Variants in LTF observed in about 807,000 individuals in gnomAD.
LTF encodes the protein epididymis luminal protein 110.
A neutral mutation model predicts 87.2 loss-of-function variants in LTF; 91 were observed. The observed-to-expected ratio is 1.04, with a 90% CI of 0.88 to 1.24. The LOEUF (loss-of-function observed/expected upper bound fraction) is 1.24, where lower values mean the gene tolerates loss of function less well. Ranked by LOEUF, LTF falls within the 50% of genes most tolerant of loss-of-function variation. The pLI is 0.00. For missense variants in LTF, 901 were observed against 904.3 expected, an observed-to-expected ratio of 1.00 and a Z score of 0.05; for synonymous variants, 378 against 356.1, an observed-to-expected ratio of 1.06 and a Z score of -0.69.
At chr3:46,456,255 C>G (rs200360036) in intron 3 of LTF, 35 bp downstream of exon 3, 3 of 1,561,928 alleles carry the variant, frequency 1.9e-6, no homozygotes. Context: ...CAGGCTGAGG[C>G]CACCGTGGCC....
Position 46,476,203 on chromosome 3 carries a change from G to A in LTF, c.-319-5737C>T, listed in dbSNP as rs114797749. Among the ~76,000 whole-genome samples the A allele has an allele frequency of 7.7e-3, 1,174 of 152,100 alleles. 4 individuals carry two copies. Among genetic ancestry groups the A allele is most frequent in the Non-Finnish European group, 0.013 (870 of 67,990 alleles). On this transcript the variant is annotated intron_variant, in intron 1 of 19. Transcript: ENST00000443496. ...GATTTTGCACTAGATGGGACTTTCC[G>A]TACAATGTTGAACAGATATGGAGAT...
intron 1 of LTF, among the ~76,000 whole-genome samples, chr3:46,483,806 T>C (rs1167879501): frequency 6.6e-6 from 1 of 152,154 alleles, no homozygotes. Flanking sequence ...TTTTATTTTA[T>C]TTAGTTTAAA....
rs1327459126 is a variant in LTF at position 46,438,101 on chromosome 3, C to T, written c.1937G>A (p.Cys646Tyr). The T allele has an allele frequency of 4.0e-5, 64 of 1,613,576 alleles. No homozygotes were observed. The highest frequency in any genetic ancestry group is 5.1e-5 in the Non-Finnish European group (60 of 1,179,866). The change falls in exon 16 of 17, where the codon TGC (cysteine) becomes TAC (tyrosine). Residue 646 changes from cysteine (C) to tyrosine (Y), a missense_variant. Transcript: ENST00000231751. ...CTGGAATAAGCAAAACTTGTCCGGG[C>T]AGTCAGATCCATTTCTCCCAAATTT... ...QAKFGRNGSDCPDKFCLFQSE... is the reference protein window; with the variant it reads ...QAKFGRNGSDYPDKFCLFQSE...
chr3:46,459,675 T>G lies in LTF; in HGVS notation c.188A>C (p.Gln63Pro). 6.5e-7 allele frequency: 1 copy of G among 1,533,258 alleles called. No homozygotes were observed. Among genetic ancestry groups the G allele is most frequent in the East Asian group, 2.6e-5 (1 of 38,286 alleles). 95.0% of individuals were successfully genotyped at this position (1,533,258 alleles called of 1,614,324 possible). A position where few individuals can be genotyped will look rare whatever the true frequency, so the allele number is the denominator to read the frequency against. ...VSCIKRDSPIQCIQAIAENRA... is the reference protein window; with the variant it reads ...VSCIKRDSPIPCIQAIAENRA... ...ACTCACCGCAATGGCCTGGATACACTGGATGGGGGAGTCTCTCTTTATGCA... is the reference window on the plus strand; with the variant it reads ...ACTCACCGCAATGGCCTGGATACACGGGATGGGGGAGTCTCTCTTTATGCA... The change falls in exon 2 of 17, where the codon CAG becomes CCG. Residue 63 changes from glutamine to proline, a missense_variant. Physicochemically the swap from Gln to Pro is moderately conservative, Grantham distance 76 (BLOSUM62 -1). Coordinates refer to ENST00000231751, the MANE Select transcript of LTF (RefSeq NM_002343.6).
chr3:46,479,533 T>C (rs1474685013), intron 1 of LTF, among the ~76,000 whole-genome samples: 1 of 151,120 alleles, frequency 6.6e-6, no homozygotes, highest in African/African-American at 2.4e-5. Flanking sequence ...TTTGTTTGTT[T>C]GTTTGTTTGT....
chr3:46,482,521 AAG>A (rs1703446654), intron 1 of LTF, among the ~76,000 whole-genome samples: 1 of 73,902 alleles, frequency 1.4e-5, no homozygotes, highest in African/African-American at 6.1e-5. Flanking sequence ...AAGGGAAGGG[AAG>A]GGAAGGGAAG....
At chr3:46,451,540 T>C (rs768575190) in intron 6 of LTF, among the ~76,000 whole-genome samples, 14 of 152,202 alleles carry the variant, frequency 9.2e-5, no homozygotes, top group African/African-American at 1.4e-4. Flanking sequence ...CAACATCTAT[T>C]TGTGTGTGGT....
At chr3:46,450,469 G>A in intron 7 of LTF, 26 bp downstream of exon 7, 1 of 1,587,964 alleles carries the variant, frequency 6.3e-7, no homozygotes, top group Non-Finnish European at 8.6e-7. Context: ...ATCCAAGCAA[G>A]TGGGGAGGAC....
At chr3:46,450,773 G>A (rs1702784606) in intron 6 of LTF, 100 bp from the exon 7 acceptor site, 3 of 1,013,186 alleles carry the variant, frequency 3.0e-6, no homozygotes, top group African/African-American at 3.2e-5. Context: ...TGAGCTTGGG[G>A]AGATAGCTGA....
chr3:46,455,520 C>A lies in LTF; in HGVS notation c.500-78G>T, dbSNP rs561965803. ...CAGGTTACACCTCCCATCCTGAGGT[C>A]TCCGTGGGCAAGGCCCCTTCCTCCA... is the stretch of plus-strand genomic sequence containing the variant. On this transcript the variant is annotated intron_variant, in intron 4 of 16. Coordinates refer to ENST00000231751, the MANE Select transcript of LTF (RefSeq NM_002343.6). 4 of 1,562,434 alleles carry A rather than the reference C, an allele frequency of 2.6e-6. No individual in the cohort carries two copies. In the East Asian group the frequency reaches 9.1e-5, roughly 36 times the overall value.
At chr3:46,458,784 A>G (rs1703005031) in intron 2 of LTF, among the ~76,000 whole-genome samples, 2 of 152,204 alleles carry the variant, frequency 1.3e-5, no homozygotes, top group Admixed American at 1.3e-4. Context: ...CATGTTGGCC[A>G]TCCTGGTTTT....
intron 16 of LTF, among the ~76,000 whole-genome samples, chr3:46,436,850 A>T (rs1702398245): frequency 1.3e-5 from 2 of 152,204 alleles, no homozygotes; most frequent in Non-Finnish European, 2.9e-5. Flanking sequence ...GGGGCCTGAT[A>T]ATAACCCTTT....
intron 6 of LTF, among the ~76,000 whole-genome samples, chr3:46,451,725 G>C (rs186972498): frequency 1.8e-3 from 276 of 152,216 alleles, no homozygotes; most frequent in Non-Finnish European, 3.2e-3. Context: ...CTCCCAAGTA[G>C]CTGGGACCAC....
intron 2 of LTF, 22 bp downstream of exon 2, chr3:46,459,634 C>A (rs76030154): frequency 2.8e-6 from 4 of 1,406,444 alleles, no homozygotes; most frequent in African/African-American, 3.0e-5. Flanking sequence ...TTGGTCCCAA[C>A]CAACACCCGG....
intron 15 of LTF, 70 bp from the exon 16 acceptor site, chr3:46,438,199 G>T: frequency 1.6e-6 from 2 of 1,288,384 alleles, no homozygotes; most frequent in Non-Finnish European, 2.2e-6. Flanking sequence ...AGGCAAAGGG[G>T]TATTTCTTCC....
intron 8 of LTF, 137 bp downstream of exon 8, chr3:46,449,717 C>T (rs1702749815): frequency 1.2e-6 from 1 of 860,560 alleles, no homozygotes; most frequent in South Asian, 1.7e-5. Flanking sequence ...CCACAGAAGA[C>T]ACTCACACCT....
intron 6 of LTF, chr3:46,454,003 C>T (rs1018991455): frequency 6.2e-5 from 23 of 368,168 alleles, no homozygotes; most frequent in South Asian, 5.7e-4. Flanking sequence ...ACCCAGAAAC[C>T]GGAAACACAA....
chr3:46,455,514 T>G (rs540378609), intron 4 of LTF, 72 bp from the exon 5 acceptor site: 9 of 1,581,666 alleles, frequency 5.7e-6, no homozygotes, highest in African/African-American at 1.3e-5. Context: ...CCTCCCATCC[T>G]GAGGTCTCCG....
intron 1 of LTF, among the ~76,000 whole-genome samples, chr3:46,484,062 G>A (rs1703485233): frequency 6.6e-6 from 1 of 152,166 alleles, no homozygotes; most frequent in Non-Finnish European, 1.5e-5. Flanking sequence ...GATGCCCTTG[G>A]AAGGCCCCCT....
Sources: allele counts gnomAD v4.1 joint callset (sites outside exome capture counted in the v4.1 genomes callset), GRCh38; gene constraint gnomAD v4.1.1; transcripts MANE v1.5; gene names NCBI Gene and HGNC (gene_info 2026-07-23, HGNC 2026-07-21).